EYA4: variants seen among roughly 807,000 people sequenced by gnomAD.
The protein encoded by EYA4 is EYA transcriptional coactivator and phosphatase 4.
EYA4 carries 31 observed loss-of-function variants against 87.9 expected under a neutral mutation model. The ratio of observed to expected loss-of-function variants is 0.35; its 90% CI spans 0.27 to 0.48. EYA4 has a LOEUF of 0.48. Among genes scored for constraint, EYA4 ranks in the 20% least tolerant of loss-of-function variants. The probability of loss-of-function intolerance (pLI) is 0.99; values close to 1 mark genes in which losing one functional copy is unlikely to be tolerated. For missense variants in EYA4, 678 were observed against 761.4 expected (o/e 0.89, Z 1.29); for synonymous variants, 263 against 270.6 (o/e 0.97, Z 0.28).
At chr6:133,353,020 GA>G (rs1419061653) in intron 2 of EYA4, among the ~76,000 whole-genome samples, 3 of 152,048 alleles carry the variant, frequency 2.0e-5, no homozygotes, top group Admixed American at 1.3e-4. Flanking sequence ...TATTATACTT[GA>G]AAACAAGCAT....
intron 13 of EYA4, among the ~76,000 whole-genome samples, chr6:133,488,188 A>G (rs899754737): frequency 6.6e-6 from 1 of 152,138 alleles, no homozygotes; most frequent in Non-Finnish European, 1.5e-5. Flanking sequence ...GAAGGACTTC[A>G]TTTTGTGGCT....
chr6:133,530,951 CTAAAACCT>C lies in EYA4; in HGVS notation c.*2151_*2158del. 4.1e-6 allele frequency: 5 copies of C among 1,221,396 alleles called. No individual in the cohort carries two copies. Among genetic ancestry groups the C allele is most frequent in the Non-Finnish European group, 5.1e-6 (5 of 977,964 alleles). The allele number at this position is 1,221,396 out of a possible 1,614,324, so 75.7% of individuals were successfully genotyped here. A position where few individuals can be genotyped will look rare whatever the true frequency, so the allele number is the denominator to read the frequency against. On this transcript the variant is annotated 3_prime_UTR_variant, in exon 20 of 20. Coordinates refer to ENST00000355286, the MANE Select transcript of EYA4 (RefSeq NM_004100.5). ...TATCAGTACTTAATTATGTTGTGCA[CTAAAACCT>C]TAAATATTTATTACTGTGAATAAAA...
At chr6:133,483,912 C>T (rs1308325096) in intron 13 of EYA4, among the ~76,000 whole-genome samples, 6 of 151,720 alleles carry the variant, frequency 4.0e-5, no homozygotes, top group Admixed American at 3.3e-4. Flanking sequence ...TTAGTAGAGA[C>T]GGGGTTTCAC....
At chr6:133,521,971 G>C (rs1304495962) in intron 17 of EYA4, among the ~76,000 whole-genome samples, 1 of 106,658 alleles carries the variant, frequency 9.4e-6, no homozygotes, top group Non-Finnish European at 1.9e-5. Context: ...GTTGTGGGGT[G>C]GGGGGAGGGG....
At chr6:133,399,438 G>T (rs1275749567) in intron 3 of EYA4, among the ~76,000 whole-genome samples, 1 of 151,980 alleles carries the variant, frequency 6.6e-6, no homozygotes, top group African/African-American at 2.4e-5. Flanking sequence ...GTGTAGAAAG[G>T]TGGAAAAAGT....
At chr6:133,353,992 G>T (rs977183301) in intron 2 of EYA4, among the ~76,000 whole-genome samples, 1 of 152,154 alleles carries the variant, frequency 6.6e-6, no homozygotes, top group Non-Finnish European at 1.5e-5. Context: ...ACTCATGTGA[G>T]GGAAGGTGGG....
intron 2 of EYA4, among the ~76,000 whole-genome samples, chr6:133,294,062 T>TATATATATATATATATAA (rs71003632): frequency 2.4e-4 from 25 of 105,156 alleles, no homozygotes; most frequent in African/African-American, 4.8e-4. Flanking sequence ...TATATATATA[T>TATATATATATATATATAA]AATTCTATTC....
chr6:133,459,570 A>G lies in EYA4; in HGVS notation c.371-1544A>G, dbSNP rs377116890. ...ACGAAAGAATATTTAATCAAGCGTC[A>G]TTTAACTATATTTCTGTTAGAGTAT... On this transcript the variant is annotated intron_variant, in intron 6 of 19. Transcript: ENST00000355286. 1.1e-4 allele frequency among the ~76,000 whole-genome samples: 17 copies of G among 152,278 alleles called. No individual in the cohort carries two copies. In the East Asian group the frequency reaches 1.7e-3, roughly 16 times the overall value.
At chr6:133,254,487 T>G (rs1775180175) in intron 1 of EYA4, among the ~76,000 whole-genome samples, 1 of 152,170 alleles carries the variant, frequency 6.6e-6, no homozygotes, top group African/African-American at 2.4e-5. Context: ...TTTAGTGGTT[T>G]GTTTTTAGGC....
intron 2 of EYA4, among the ~76,000 whole-genome samples, chr6:133,300,083 G>A (rs1328584591): frequency 1.3e-5 from 2 of 152,012 alleles, no homozygotes; most frequent in Non-Finnish European, 2.9e-5. Flanking sequence ...ATTATGTACT[G>A]TATGTAAGCT....
intron 2 of EYA4, among the ~76,000 whole-genome samples, chr6:133,335,499 T>A (rs2128394656): frequency 6.6e-6 from 1 of 152,304 alleles, no homozygotes; most frequent in East Asian, 1.9e-4. Flanking sequence ...TTGCTTGCAA[T>A]CAAGTTGTTA....
chr6:133,335,270 G>T (rs1782280241), intron 2 of EYA4, among the ~76,000 whole-genome samples: 1 of 152,184 alleles, frequency 6.6e-6, no homozygotes, highest in Non-Finnish European at 1.5e-5. Flanking sequence ...ATTACAGAAG[G>T]ACTCAACAAT....
chr6:133,513,781 CA>C (rs1223252946), intron 16 of EYA4, among the ~76,000 whole-genome samples: 2 of 152,060 alleles, frequency 1.3e-5, no homozygotes, highest in African/African-American at 4.8e-5. Context: ...TAGGTCACAT[CA>C]GATTAATCTC....
At chr6:133,490,526 C>G (rs1236879556) in intron 13 of EYA4, among the ~76,000 whole-genome samples, 1 of 150,970 alleles carries the variant, frequency 6.6e-6, no homozygotes, top group Non-Finnish European at 1.5e-5. Flanking sequence ...TAAAAAAGAG[C>G]TAGAGTAGCT....
chr6:133,396,448 G>A (rs988027059), intron 3 of EYA4, among the ~76,000 whole-genome samples: 7 of 152,096 alleles, frequency 4.6e-5, no homozygotes, highest in African/African-American at 7.2e-5. Flanking sequence ...AGACAGATGC[G>A]CCACACCCTG....
At chr6:133,298,715 G>A (rs943954650) in intron 2 of EYA4, among the ~76,000 whole-genome samples, 1 of 152,134 alleles carries the variant, frequency 6.6e-6, no homozygotes, top group Non-Finnish European at 1.5e-5. Context: ...TATATAAAGT[G>A]CTCACAGCAG....
At chr6:133,446,795 A>G in intron 4 of EYA4, 41 bp downstream of exon 4, 1 of 1,602,366 alleles carries the variant, frequency 6.2e-7, no homozygotes, top group Non-Finnish European at 8.5e-7. Flanking sequence ...TCATATTTCA[A>G]TGTTTGCTTT....
chr6:133,435,653 T>C (rs1791589809), intron 3 of EYA4: 3 of 152,216 alleles, frequency 2.0e-5, no homozygotes, highest in Non-Finnish European at 4.4e-5. Context: ...CGGTTTAACA[T>C]GACCTGGCAT....
At chr6:133,514,436 T>C (rs1278926291) in intron 16 of EYA4, among the ~76,000 whole-genome samples, 1 of 152,196 alleles carries the variant, frequency 6.6e-6, no homozygotes, top group Non-Finnish European at 1.5e-5. Flanking sequence ...GACTAAGAAG[T>C]AATCTTGTAT....
Sources: allele counts gnomAD v4.1 joint callset (sites outside exome capture counted in the v4.1 genomes callset), GRCh38; gene constraint gnomAD v4.1.1; transcripts MANE v1.5; gene names NCBI Gene and HGNC (gene_info 2026-07-23, HGNC 2026-07-21).